The following ZNF16 variants were observed in gnomAD, a reference collection of about 807,000 sequenced individuals.
ZNF16 encodes zinc finger protein KOX9.
A neutral mutation model predicts 9.0 loss-of-function variants in ZNF16; 7 were observed. That is an observed-to-expected ratio of 0.78 (90% CI 0.44 to 1.47). The LOEUF is 1.47. Ranked by LOEUF, ZNF16 falls within the 40% of genes most tolerant of loss-of-function variation. The pLI, the probability that ZNF16 is intolerant of heterozygous loss-of-function variation, is 0.01. For missense variants in ZNF16, 830 were observed against 854.2 expected (o/e 0.97, Z 0.35); for synonymous variants, 312 against 301.5 (o/e 1.03, Z -0.36).
In ZNF16 at chr8:144,931,982, C is replaced by G. The variant is rs200923173; in HGVS notation, c.805G>C (p.Glu269Gln). Reference protein sequence around the residue: ...HMSEKAYQCSECGKAFRGHSD... With the variant: ...HMSEKAYQCSQCGKAFRGHSD... ...TGCCCTCGGAAGGCTTTCCCACATTCGCTGCACTGGTAAGCTTTCTCACTC... is the reference window on the plus strand; with the variant it reads ...TGCCCTCGGAAGGCTTTCCCACATTGGCTGCACTGGTAAGCTTTCTCACTC... The change falls in exon 3 of 3, where the codon GAA becomes CAA. Residue 269 changes from glutamate (E) to glutamine (Q), a missense_variant. Transcript: ENST00000394909. 1 of 1,613,978 alleles carries G rather than the reference C, an allele frequency of 6.2e-7. No homozygotes were observed. Among genetic ancestry groups the G allele is most frequent in the Non-Finnish European group, 8.5e-7 (1 of 1,179,890 alleles).
chr8:144,931,298 C>T lies in ZNF16; in HGVS notation c.1489G>A (p.Ala497Thr). 6.2e-7 allele frequency: 1 copy of T among 1,614,164 alleles called. No homozygotes were observed. The highest frequency in any genetic ancestry group is 8.5e-7 in the Non-Finnish European group (1 of 1,180,024). Residue 497 changes from alanine (A) to threonine (T), a missense_variant, in exon 3 of 3, where the codon GCC becomes ACC. Coordinates refer to ENST00000394909, the MANE Select transcript of ZNF16 (RefSeq NM_006958.3). ...KPYRCSVCGK[A>T]FSHSSALIQH... Reference sequence around the variant, plus strand: ...ATGAGGGCTGAGCTGTGGCTGAAGGCCTTCCCACAGACACTGCATCTGTAC... The same window carrying T: ...ATGAGGGCTGAGCTGTGGCTGAAGGTCTTCCCACAGACACTGCATCTGTAC...
At chr8:144,936,139 A>T (rs1833676547) in intron 2 of ZNF16, among the ~76,000 whole-genome samples, 1 of 152,080 alleles carries the variant, frequency 6.6e-6, no homozygotes, top group Non-Finnish European at 1.5e-5. Context: ...CTACGAATTT[A>T]CCTATTCTGG....
intron 2 of ZNF16, chr8:144,944,066 CTTTTTTTCTTTT>C (rs982842146): frequency 2.2e-5 from 3 of 136,486 alleles, no homozygotes; most frequent in Non-Finnish European, 3.2e-5. Context: ...TTTTTTTTTT[CTTTTTTTCTTTT>C]TTTTTTTCTT....
At position 144,942,141 on chromosome 8, in the gene ZNF16, C is replaced by T. The variant is rs185471598; in HGVS notation, c.196+3870G>A. 8.5e-4 allele frequency among the ~76,000 whole-genome samples: 128 copies of T among 149,780 alleles called. 2 individuals are homozygous for T. The East Asian group carries it at 0.012, about 14-fold the overall frequency. On this transcript the variant is annotated intron_variant, in intron 2 of 2. Coordinates refer to ENST00000394909, the MANE Select transcript of ZNF16 (RefSeq NM_006958.3). Reference sequence around the variant, plus strand: ...TACAGGTGCCCACCACCTTGCCTGGCTAATTTTTTTGTATTTTTAGTAGAG... The same window carrying T: ...TACAGGTGCCCACCACCTTGCCTGGTTAATTTTTTTGTATTTTTAGTAGAG...
At chr8:144,944,621 G>A (rs1833884654) in intron 2 of ZNF16, 1 of 152,180 alleles carries the variant, frequency 6.6e-6, no homozygotes, top group African/African-American at 2.4e-5. Flanking sequence ...GACACTTTTT[G>A]TCAGTTTACT....
At chr8:144,938,293 G>A (rs1833729705) in intron 2 of ZNF16, among the ~76,000 whole-genome samples, 1 of 152,134 alleles carries the variant, frequency 6.6e-6, no homozygotes, top group African/African-American at 2.4e-5. Flanking sequence ...TTTTGTTTCT[G>A]CAAAAAATGG....
At chr8:144,948,015 G>C (rs1290190587) in intron 1 of ZNF16, 1 of 152,698 alleles carries the variant, frequency 6.5e-6, no homozygotes, top group East Asian at 1.9e-4. Context: ...TGAGGGTGTG[G>C]TCAAGGGGAT....
chr8:144,948,827 G>A (rs372528468), intron 1 of ZNF16, among the ~76,000 whole-genome samples: 1 of 152,218 alleles, frequency 6.6e-6, no homozygotes, highest in South Asian at 2.1e-4. Context: ...CTCTCACCCA[G>A]GTCCATATCC....
At chr8:144,950,535 G>C (rs535092626) in intron 1 of ZNF16, 6 of 152,244 alleles carry the variant, frequency 3.9e-5, no homozygotes, top group Non-Finnish European at 7.4e-5. Context: ...GGCCCCTCGC[G>C]GCGACCTTAC....
At chr8:144,938,051 A>T (rs1833724651) in intron 2 of ZNF16, among the ~76,000 whole-genome samples, 1 of 152,152 alleles carries the variant, frequency 6.6e-6, no homozygotes, top group African/African-American at 2.4e-5. Flanking sequence ...GATTGAAAGG[A>T]CTTGGTACCC....
chr8:144,950,131 C>T (rs931369617), intron 1 of ZNF16, among the ~76,000 whole-genome samples: 11 of 152,188 alleles, frequency 7.2e-5, no homozygotes, highest in Non-Finnish European at 1.2e-4. Flanking sequence ...GGCCTACGTG[C>T]CCATCCAGGC....
intron 1 of ZNF16, among the ~76,000 whole-genome samples, chr8:144,946,843 T>G (rs866075599): frequency 5.9e-5 from 4 of 67,582 alleles, no homozygotes; most frequent in African/African-American, 1.9e-4. Context: ...ATCCTGCTGT[T>G]GGGCCTGTGT....
intron 2 of ZNF16, among the ~76,000 whole-genome samples, chr8:144,937,143 C>CT (rs58306145): frequency 0.035 from 3,910 of 110,696 alleles, 234 homozygotes; most frequent in Non-Finnish European, 0.051. Flanking sequence ...CTTTCTCTCT[C>CT]TTTTTTTTTT....
chr8:144,934,734 A>G (rs1833640096), intron 2 of ZNF16, among the ~76,000 whole-genome samples: 1 of 152,144 alleles, frequency 6.6e-6, no homozygotes, highest in East Asian at 1.9e-4. Flanking sequence ...AAGGATGAAG[A>G]AGGCTCTGGC....
rs774936878 is a variant in ZNF16 at position 144,931,862 on chromosome 8, T to C, written c.925A>G (p.Lys309Glu). Residue 309 changes from lysine to glutamate, a missense_variant, in exon 3 of 3, where the codon AAA (lysine) becomes GAA (glutamate). Physicochemically the swap from Lys to Glu is moderately conservative, Grantham distance 56. Coordinates refer to ENST00000394909, the MANE Select transcript of ZNF16 (RefSeq NM_006958.3). ...GKAFSQNSSL[K>E]KHQKSHMSEK... ...CTCATGTGAGACTTTTGGTGCTTTT[T>C]AAGGCTCGAGTTCTGGCTGAAGGCT... 1.2e-6 allele frequency: 2 copies of C among 1,614,118 alleles called. No homozygotes were observed. Among genetic ancestry groups the C allele is most frequent in the African/African-American group, 1.3e-5 (1 of 74,952 alleles).
Position 144,939,569 on chromosome 8 carries a change from C to A in ZNF16, c.196+6442G>T, listed in dbSNP as rs146797475. On this transcript the variant is annotated intron_variant, in intron 2 of 2. Transcript: ENST00000394909. ...TCAGATTGTGCCACTGCACTCCAGCCTGAGGAACAGAGCGAGACTCCGTCT... is the reference window on the plus strand; with the variant it reads ...TCAGATTGTGCCACTGCACTCCAGCATGAGGAACAGAGCGAGACTCCGTCT... Among the ~76,000 whole-genome samples, 519 of 134,328 alleles carry A rather than the reference C, an allele frequency of 3.9e-3. 7 individuals are homozygous for A. The highest frequency in any genetic ancestry group is 0.014 in the African/African-American group (498 of 34,596). The allele number at this position is 134,328 out of a possible 152,430, so 88.1% of individuals were successfully genotyped here. A position where few individuals can be genotyped will look rare whatever the true frequency, so the allele number is the denominator to read the frequency against.
intron 2 of ZNF16, chr8:144,945,668 C>T: frequency 1.4e-5 from 3 of 208,662 alleles, no homozygotes; most frequent in Middle Eastern, 3.5e-3. Context: ...AACCACAGTA[C>T]AAAGCCCTGG....
intron 2 of ZNF16, among the ~76,000 whole-genome samples, chr8:144,934,487 G>A (rs1002765543): frequency 2.6e-5 from 4 of 152,262 alleles, no homozygotes; most frequent in South Asian, 2.1e-4. Flanking sequence ...AGCTCTCCAT[G>A]TCAGAAGCCC....
chr8:144,937,333 G>A (rs4017270), intron 2 of ZNF16, among the ~76,000 whole-genome samples: 7,903 of 150,754 alleles, frequency 0.052, 651 homozygotes, highest in African/African-American at 0.18. Context: ...ATGGGGTTTC[G>A]CCATATTGGC....
Sources: gnomAD v4.1 joint callset for allele counts (sites outside exome capture counted in the v4.1 genomes callset) on GRCh38, gnomAD v4.1.1 for gene constraint, MANE v1.5 for transcripts, NCBI Gene and HGNC (gene_info 2026-07-23, HGNC 2026-07-21) for gene names.